KCNQ4: variants seen among roughly 807,000 people sequenced by gnomAD.
KCNQ4 encodes the protein potassium voltage-gated channel subfamily KQT member 4.
In KCNQ4, 31 loss-of-function variants were observed where a neutral mutation model predicts 72.6. That is an observed-to-expected ratio of 0.43 (90% CI 0.32 to 0.58). The LOEUF (loss-of-function observed/expected upper bound fraction) is 0.58, where lower values mean the gene tolerates loss of function less well. Among genes scored for constraint, KCNQ4 ranks in the 20% least tolerant of loss-of-function variants. The pLI, the probability that KCNQ4 is intolerant of heterozygous loss-of-function variation, is 0.08. For missense variants in KCNQ4, 869 were observed against 962.6 expected (o/e 0.90, Z 1.29); for synonymous variants, 405 against 403.7 (o/e 1.00, Z -0.04).
intron 9 of KCNQ4, among the ~76,000 whole-genome samples, chr1:40,826,090 C>T (rs571017308): frequency 1.2e-3 from 187 of 152,292 alleles, no homozygotes; most frequent in African/African-American, 4.1e-3. Flanking sequence ...ATGGCCGTAT[C>T]GTTAATCGTG....
intron 7 of KCNQ4, among the ~76,000 whole-genome samples, 188 bp from the exon 8 acceptor site, chr1:40,822,126 G>A (rs771873145): frequency 6.6e-6 from 1 of 152,130 alleles, no homozygotes; most frequent in East Asian, 1.9e-4. Context: ...TTGTCCCCTC[G>A]GGGAAGTCGT....
chr1:40,819,299 C>T, intron 4 of KCNQ4, 48 bp from the exon 5 acceptor site: 1 of 1,611,906 alleles, frequency 6.2e-7, no homozygotes, highest in South Asian at 1.1e-5. Context: ...CCCACATCTC[C>T]CAGGCAGGCA....
chr1:40,796,873 G>A (rs1470924526), intron 1 of KCNQ4, among the ~76,000 whole-genome samples: 1 of 151,956 alleles, frequency 6.6e-6, no homozygotes, highest in Non-Finnish European at 1.5e-5. Flanking sequence ...AGCCGAGATC[G>A]TGCCACTGCA....
At chr1:40,832,774 C>T (rs1315597528) in intron 10 of KCNQ4, among the ~76,000 whole-genome samples, 1 of 152,134 alleles carries the variant, frequency 6.6e-6, no homozygotes, top group Non-Finnish European at 1.5e-5. Flanking sequence ...CAGCTCCCAC[C>T]TACCCACCAG....
rs1178447421 is a variant in KCNQ4 at position 40,788,299 on chromosome 1, C to T, written c.314+3892C>T. On this transcript the variant is annotated intron_variant, in intron 1 of 13. Coordinates refer to ENST00000347132, the MANE Select transcript of KCNQ4 (RefSeq NM_004700.4). The surrounding 1 kb of genome is among the most constrained non-coding windows in gnomAD (Gnocchi z 4.5). ...CCTGGGAAATGAGTAGCAGATACAGCGGACTCTGTGCAGAGACCTCAGCTG... is the reference window on the plus strand; with the variant it reads ...CCTGGGAAATGAGTAGCAGATACAGTGGACTCTGTGCAGAGACCTCAGCTG... Among the ~76,000 whole-genome samples, 4 of 152,186 alleles carry T rather than the reference C, an allele frequency of 2.6e-5. No homozygotes were observed. The highest frequency in any genetic ancestry group is 4.8e-5 in the African/African-American group (2 of 41,436).
intron 12 of KCNQ4, among the ~76,000 whole-genome samples, chr1:40,837,355 A>G (rs1405718458): frequency 1.3e-5 from 2 of 152,138 alleles, no homozygotes; most frequent in South Asian, 2.1e-4. Flanking sequence ...AGCCTCCCCA[A>G]ATGCTGGGAT....
At chr1:40,802,332 G>A (rs1195602502) in intron 1 of KCNQ4, among the ~76,000 whole-genome samples, 2 of 152,102 alleles carry the variant, frequency 1.3e-5, no homozygotes, top group Non-Finnish European at 2.9e-5. Context: ...CTTTCCGCTT[G>A]GCCCGCTGCT....
rs1173209719 is a variant in KCNQ4 at position 40,834,874 on chromosome 1, G to T, written c.1614-93G>T. ...GTGGCCAAGCAGGAGGTGCCCTGGT[G>T]CTGGACAAGGGGATAGCAAAGAGAT... On this transcript the variant is annotated intron_variant, in intron 11 of 13. Transcript: ENST00000347132. 4 of 1,548,570 alleles carry T rather than the reference G, an allele frequency of 2.6e-6. No individual in the cohort carries two copies. In the Admixed American group the frequency reaches 5.1e-5, roughly 20 times the overall value.
rs1022270505 is a variant in KCNQ4, at chr1:40,825,733, G to A, written c.1292+1475G>A. Reference sequence around the variant, plus strand: ...TCCAGGCGGAAACTCAAGAGTTTTTGTATCCCAGCAATCCTGTCCAGGACC... The same window carrying A: ...TCCAGGCGGAAACTCAAGAGTTTTTATATCCCAGCAATCCTGTCCAGGACC... On this transcript the variant is annotated intron_variant, in intron 9 of 13. Transcript: ENST00000347132. Among the ~76,000 whole-genome samples the A allele has an allele frequency of 2.0e-5, 3 of 152,248 alleles. No individual in the cohort carries two copies. In the South Asian group the frequency reaches 6.2e-4, roughly 32 times the overall value.
chr1:40,809,063 C>T (rs566582912), intron 1 of KCNQ4, among the ~76,000 whole-genome samples: 33 of 152,294 alleles, frequency 2.2e-4, no homozygotes, highest in Admixed American at 1.8e-3. Flanking sequence ...ATCCAGAGGA[C>T]ATTTTTCACG....
rs931844685 is a variant in KCNQ4 at position 40,797,224 on chromosome 1, C to A, written c.314+12817C>A. 4.6e-5 allele frequency among the ~76,000 whole-genome samples: 7 copies of A among 152,326 alleles called. No homozygotes were observed. The East Asian group carries it at 7.7e-4, about 17-fold the overall frequency. Reference sequence around the variant, plus strand: ...AGCACGGAGTCCAGTGGGAGCCCAGCACAGAGGGCCAAGCCCTGCCCCAAT... The same window carrying A: ...AGCACGGAGTCCAGTGGGAGCCCAGAACAGAGGGCCAAGCCCTGCCCCAAT... On this transcript the variant is annotated intron_variant, in intron 1 of 13. Coordinates refer to ENST00000347132, the MANE Select transcript of KCNQ4 (RefSeq NM_004700.4).
intron 9 of KCNQ4, among the ~76,000 whole-genome samples, chr1:40,829,553 C>T (rs1438773210): frequency 6.6e-6 from 1 of 152,166 alleles, no homozygotes; most frequent in East Asian, 1.9e-4. Flanking sequence ...CACTTCAGCA[C>T]CTTGGCTCCC....
At chr1:40,807,590 G>A (rs1470120398) in intron 1 of KCNQ4, among the ~76,000 whole-genome samples, 1 of 152,214 alleles carries the variant, frequency 6.6e-6, no homozygotes, top group Non-Finnish European at 1.5e-5. Context: ...TTCCCCTGCA[G>A]GAGAAAGTAA....
At chr1:40,785,080 G>A (rs1647189281) in intron 1 of KCNQ4, among the ~76,000 whole-genome samples, 1 of 152,128 alleles carries the variant, frequency 6.6e-6, no homozygotes. Context: ...TGCCGGCTTG[G>A]CCCAGCTCGC....
In KCNQ4 at chr1:40,831,294, C is replaced by T. The variant is rs80358270; in HGVS notation, c.1503C>T (p.Thr501=). ...FRASLRLKPR[T]SAEDAPSEEV... ...CATCTCTGAGACTCAAACCCCGCACCTCTGCTGAGGGTAAGCCCCCGGGGG... is the reference window on the plus strand; with the variant it reads ...CATCTCTGAGACTCAAACCCCGCACTTCTGCTGAGGGTAAGCCCCCGGGGG... Residue 501 remains threonine, a synonymous_variant, in exon 10 of 14, where the codon ACC becomes ACT. Coordinates refer to ENST00000347132, the MANE Select transcript of KCNQ4 (RefSeq NM_004700.4). The T allele has an allele frequency of 6.3e-7, 1 of 1,598,752 alleles. No individual in the cohort carries two copies. Among genetic ancestry groups the T allele is most frequent in the Non-Finnish European group, 8.5e-7 (1 of 1,172,858 alleles).
chr1:40,816,412 C>T (rs1380148323), intron 1 of KCNQ4, among the ~76,000 whole-genome samples: 2 of 152,168 alleles, frequency 1.3e-5, no homozygotes, highest in African/African-American at 2.4e-5. Flanking sequence ...GGTCCTCTTC[C>T]CATCCACTGG....
chr1:40,799,657 C>T (rs1039987154), intron 1 of KCNQ4, among the ~76,000 whole-genome samples: 2 of 152,196 alleles, frequency 1.3e-5, no homozygotes, highest in African/African-American at 4.8e-5. Flanking sequence ...GCACTCACCA[C>T]CTCCTGGTGG....
chr1:40,802,264 G>A (rs1570809765), intron 1 of KCNQ4, among the ~76,000 whole-genome samples: 1 of 151,476 alleles, frequency 6.6e-6, no homozygotes, highest in Admixed American at 6.6e-5. Flanking sequence ...CGAGGCGGCG[G>A]TGGCGTCGCG....
At chr1:40,820,951 G>A (rs55679729) in intron 7 of KCNQ4, among the ~76,000 whole-genome samples, 48,924 of 152,006 alleles carry the variant, frequency 0.32, 8,202 homozygotes, top group African/African-American at 0.39. Context: ...AATGCTTCAG[G>A]GAATACTGGC....
Sources: allele counts gnomAD v4.1 joint callset (sites outside exome capture counted in the v4.1 genomes callset), GRCh38; gene constraint gnomAD v4.1.1; non-coding constraint Gnocchi (gnomAD v3.1); transcripts MANE v1.5; gene names NCBI Gene and HGNC (gene_info 2026-07-23, HGNC 2026-07-21).